The following ATP13A4 variants were observed in gnomAD, a reference collection of about 807,000 sequenced individuals.
ATP13A4 encodes the protein probable cation-transporting ATPase 13A4.
Under a neutral mutation model 142.5 loss-of-function variants are expected in ATP13A4, and 114 were observed. The observed-to-expected ratio is 0.80, with a 90% confidence interval of 0.69 to 0.93. The LOEUF (loss-of-function observed/expected upper bound fraction) is 0.93. Ranked by LOEUF, ATP13A4 falls within the 40% of genes least tolerant of loss-of-function variation. The probability of loss-of-function intolerance (pLI) is 0.00; values close to 1 mark genes in which losing one functional copy is unlikely to be tolerated. For synonymous variants in ATP13A4, 488 were observed against 514.8 expected (o/e 0.95, Z 0.70); for missense variants, 1,392 against 1,454.0 (o/e 0.96, Z 0.69).
rs1229670914 is a variant in ATP13A4, at chr3:193,438,340, T to C, written c.2672+135A>G. ...GAAAATCCATTTGGAAGTAGAATGCTTGACTGCATTCTTCCACAAAACACC... is the reference window on the plus strand; with the variant it reads ...GAAAATCCATTTGGAAGTAGAATGCCTGACTGCATTCTTCCACAAAACACC... On this transcript the variant is annotated intron_variant, in intron 23 of 29. Transcript: ENST00000342695. 7 of 734,512 alleles carry C rather than the reference T, an allele frequency of 9.5e-6. No individual in the cohort carries two copies. In the Admixed American group the frequency reaches 1.0e-4, roughly 11 times the overall value. The allele number at this position is 734,512 out of a possible 1,614,324, so 45.5% of individuals were successfully genotyped here. A position where few individuals can be genotyped will look rare whatever the true frequency, so the allele number is the denominator to read the frequency against.
intron 17 of ATP13A4, among the ~76,000 whole-genome samples, chr3:193,450,885 T>C (rs1381914542): frequency 6.6e-6 from 1 of 152,034 alleles, no homozygotes; most frequent in Non-Finnish European, 1.5e-5. Flanking sequence ...TGGAGGTCAT[T>C]AAGGAGTCAA....
At chr3:193,471,953 G>A (rs746990505) in intron 8 of ATP13A4, among the ~76,000 whole-genome samples, 1 of 152,154 alleles carries the variant, frequency 6.6e-6, no homozygotes, top group Non-Finnish European at 1.5e-5. Context: ...GGTATAGGGT[G>A]TCAGAGCTTG....
intron 1 of ATP13A4, among the ~76,000 whole-genome samples, chr3:193,553,936 A>G (rs1317792738): frequency 6.6e-6 from 1 of 152,240 alleles, no homozygotes; most frequent in African/African-American, 2.4e-5. Flanking sequence ...TCACATTTTA[A>G]CATTTTAATT....
chr3:193,470,120 C>G (rs994340714), intron 9 of ATP13A4, among the ~76,000 whole-genome samples: 5 of 152,212 alleles, frequency 3.3e-5, no homozygotes, highest in African/African-American at 1.2e-4. Flanking sequence ...TTCACAGCCT[C>G]TCATTTTATC....
intron 1 of ATP13A4, among the ~76,000 whole-genome samples, chr3:193,517,551 G>GCTCA (rs1213581217): frequency 6.6e-6 from 1 of 152,170 alleles, no homozygotes; most frequent in Non-Finnish European, 1.5e-5. Context: ...CGCGATCTCG[G>GCTCA]CTCACTGCAA....
At chr3:193,588,679 C>G (rs949375752) in intron 1 of ATP13A4, among the ~76,000 whole-genome samples, 1 of 152,072 alleles carries the variant, frequency 6.6e-6, no homozygotes, top group Non-Finnish European at 1.5e-5. Context: ...TTTGAGCCCA[C>G]TTTATGACAC....
intron 2 of ATP13A4, among the ~76,000 whole-genome samples, chr3:193,512,133 T>C (rs1721173044): frequency 6.6e-6 from 1 of 152,202 alleles, no homozygotes; most frequent in Non-Finnish European, 1.5e-5. Context: ...TGGTTCTGTT[T>C]CTACTGTAGC....
chr3:193,443,961 C>A (rs1716800781), intron 18 of ATP13A4, among the ~76,000 whole-genome samples: 1 of 151,656 alleles, frequency 6.6e-6, no homozygotes. Flanking sequence ...CAAAATAATT[C>A]ATATTCATGT....
intron 13 of ATP13A4, among the ~76,000 whole-genome samples, chr3:193,461,077 AGGCAG>A (rs1286799258): frequency 6.6e-6 from 1 of 152,136 alleles, no homozygotes; most frequent in African/African-American, 2.4e-5. Flanking sequence ...TTTGATTGGA[AGGCAG>A]GAAGGCAGCA....
In ATP13A4 at chr3:193,503,214, A is replaced by C. The variant is rs376931932; in HGVS notation, c.235-575T>G. ...GACCTGCTCAGTCAGAGTCTGAAGAATGGAAGAAAAAAACTGAATCCATGG... is the reference window on the plus strand; with the variant it reads ...GACCTGCTCAGTCAGAGTCTGAAGACTGGAAGAAAAAAACTGAATCCATGG... On this transcript the variant is annotated intron_variant, in intron 2 of 29. Transcript: ENST00000342695. Among the ~76,000 whole-genome samples the C allele has an allele frequency of 4.0e-4, 61 of 152,312 alleles. No homozygotes were observed. In the East Asian group the frequency reaches 6.2e-3, roughly 15 times the overall value.
At chr3:193,436,479 G>A (rs1716274835) in intron 23 of ATP13A4, among the ~76,000 whole-genome samples, 1 of 150,954 alleles carries the variant, frequency 6.6e-6, no homozygotes, top group Non-Finnish European at 1.5e-5. Flanking sequence ...TCAGAATCTT[G>A]CTTAGTCACC....
At chr3:193,584,641 C>A (rs182327367) in intron 1 of ATP13A4, among the ~76,000 whole-genome samples, 48 of 150,528 alleles carry the variant, frequency 3.2e-4, no homozygotes, top group African/African-American at 1.2e-3. Flanking sequence ...AAAAAAGATA[C>A]ATTTTAAAAT....
chr3:193,546,112 T>C (rs1177407546), intron 1 of ATP13A4, among the ~76,000 whole-genome samples: 1 of 151,932 alleles, frequency 6.6e-6, no homozygotes, highest in African/African-American at 2.4e-5. Flanking sequence ...AATTGTCTCA[T>C]AGAAGTGATC....
At chr3:193,502,394 A>C in intron 3 of ATP13A4, 99 bp downstream of exon 3, 1 of 1,384,750 alleles carries the variant, frequency 7.2e-7, no homozygotes, top group Non-Finnish European at 1.0e-6. Context: ...ACACTATCAA[A>C]TGAGGATTGG....
chr3:193,403,713 CT>C (rs1714358156), intron 29 of ATP13A4: 1 of 964,496 alleles, frequency 1.0e-6, no homozygotes, highest in East Asian at 1.1e-4. Flanking sequence ...CAAGTTATAA[CT>C]TATAATTCAT....
chr3:193,454,458 C>T (rs1419248541), intron 16 of ATP13A4, among the ~76,000 whole-genome samples: 1 of 152,148 alleles, frequency 6.6e-6, no homozygotes, highest in Non-Finnish European at 1.5e-5. Flanking sequence ...GTGTAAAATT[C>T]TTTTTTCTTC....
intron 1 of ATP13A4, among the ~76,000 whole-genome samples, chr3:193,537,118 T>C (rs1213766751): frequency 1.3e-5 from 2 of 152,066 alleles, no homozygotes; most frequent in South Asian, 2.1e-4. Flanking sequence ...CTAAAATTTA[T>C]ATTAAAAAAT....
intron 1 of ATP13A4, among the ~76,000 whole-genome samples, chr3:193,536,587 C>A (rs956981489): frequency 6.6e-6 from 1 of 151,864 alleles, no homozygotes; most frequent in African/African-American, 2.4e-5. Context: ...AGGAACAAGA[C>A]AAGAATGTTC....
intron 26 of ATP13A4, among the ~76,000 whole-genome samples, chr3:193,413,389 A>G (rs1714879589): frequency 6.6e-6 from 1 of 152,176 alleles, no homozygotes; most frequent in South Asian, 2.1e-4. Context: ...AAATCAGTGC[A>G]CCTTGAAAAA....
Sources: gnomAD v4.1 joint callset for allele counts (sites outside exome capture counted in the v4.1 genomes callset) on GRCh38, gnomAD v4.1.1 for gene constraint, MANE v1.5 for transcripts, NCBI Gene and HGNC (gene_info 2026-07-23, HGNC 2026-07-21) for gene names.